Variants in ZNF705G observed in about 807,000 individuals in gnomAD.
ZNF705G encodes zinc finger protein 705G, also known as putative zinc finger protein 705G.
Under a neutral mutation model 19.6 loss-of-function variants are expected in ZNF705G, and 23 were observed. The observed-to-expected ratio is 1.17, with a 90% confidence interval of 0.84 to 1.66. The LOEUF (loss-of-function observed/expected upper bound fraction) is 1.66. Ranked by LOEUF, ZNF705G falls within the 40% of genes most tolerant of loss-of-function variation. The pLI, the probability that ZNF705G is intolerant of heterozygous loss-of-function variation, is 0.00. For synonymous variants in ZNF705G, 146 were observed against 117.7 expected (o/e 1.24, Z -1.56); for missense variants, 457 against 354.4 (o/e 1.29, Z -2.32).
chr8:7,369,644 A>G (rs1359961970), intron 2 of ZNF705G, among the ~76,000 whole-genome samples: 2 of 149,784 alleles, frequency 1.3e-5, no homozygotes, highest in African/African-American at 5.1e-5. Context: ...CATGGAATCA[A>G]CCTAGATGCC....
At chr8:7,362,218 C>G (rs1563291590) in intron 3 of ZNF705G, among the ~76,000 whole-genome samples, 1 of 149,508 alleles carries the variant, frequency 6.7e-6, no homozygotes, top group Non-Finnish European at 1.5e-5. Context: ...GAGTGTGCAA[C>G]CATAATTAAA....
chr8:7,367,278 T>A (rs1806899818), intron 2 of ZNF705G, among the ~76,000 whole-genome samples: 1 of 149,264 alleles, frequency 6.7e-6, no homozygotes. Flanking sequence ...AAATGTCAGG[T>A]GATGGCCTGT....
At chr8:7,369,161 T>G (rs1806987472) in intron 2 of ZNF705G, among the ~76,000 whole-genome samples, 1 of 149,356 alleles carries the variant, frequency 6.7e-6, no homozygotes, top group African/African-American at 2.6e-5. Flanking sequence ...CCCCCATGAT[T>G]CAGTTATCGC....
chr8:7,363,257 G>A (rs374452414), intron 2 of ZNF705G, among the ~76,000 whole-genome samples: 5 of 148,136 alleles, frequency 3.4e-5, no homozygotes, highest in African/African-American at 1.3e-4. Context: ...TCAAAAGCAC[G>A]GAGTTTTGTA....
rs757337265 is a variant in ZNF705G, at chr8:7,361,111, G to A, written c.138C>T (p.Leu46=). The change falls in exon 4 of 7, where the codon CTC becomes CTT. Residue 46 remains leucine (L), a splice_region_variant and synonymous_variant. Transcript: ENST00000400156. ...MLENISHLVS[L]GYQISKSYII... is the part of the protein sequence containing the mutation. ...GTACATGAATGTTCAGGGACTCACC[G>A]AGGGACACCAGGTGACTGATATTTT... The A allele has an allele frequency of 5.3e-5, 84 of 1,592,518 alleles. 1 individual carries two copies. Among genetic ancestry groups the A allele is most frequent in the Non-Finnish European group, 6.3e-5 (74 of 1,179,396 alleles).
rs1484681035 is a variant in ZNF705G at position 7,375,112 on chromosome 8, G to T, written c.-72+6340C>A. Reference sequence around the variant, plus strand: ...GGTATATTGTGTGATATTGAGGTTTGGGGTATGAATAACTCTGTCACGCAG... The same window carrying T: ...GGTATATTGTGTGATATTGAGGTTTTGGGTATGAATAACTCTGTCACGCAG... On this transcript the variant is annotated intron_variant, in intron 2 of 6. Transcript: ENST00000400156. 7.4e-5 allele frequency among the ~76,000 whole-genome samples: 7 copies of T among 94,156 alleles called. 3 individuals carry two copies. Among genetic ancestry groups the T allele is most frequent in the Non-Finnish European group, 1.5e-4 (7 of 48,068 alleles). The allele number at this position is 94,156 out of a possible 152,430, so 61.8% of individuals were successfully genotyped here.
chr8:7,380,076 C>T (rs1378418069), intron 2 of ZNF705G, among the ~76,000 whole-genome samples: 3 of 143,690 alleles, frequency 2.1e-5, no homozygotes, highest in Non-Finnish European at 4.4e-5. Context: ...CTGGCAGTGC[C>T]ATTCACTAGG....
At chr8:7,362,535 T>C in intron 3 of ZNF705G, among the ~76,000 whole-genome samples, 1 of 149,582 alleles carries the variant, frequency 6.7e-6, no homozygotes. Context: ...TAAGTCTATT[T>C]CAGGCAACAG....
chr8:7,366,564 G>C (rs1357377548), intron 2 of ZNF705G, among the ~76,000 whole-genome samples: 2 of 149,608 alleles, frequency 1.3e-5, no homozygotes, highest in Non-Finnish European at 2.9e-5. Flanking sequence ...AATTTTTAAA[G>C]TACATGATGA....
intron 2 of ZNF705G, among the ~76,000 whole-genome samples, chr8:7,378,510 A>C (rs1397232862): frequency 2.1e-5 from 2 of 96,370 alleles, no homozygotes; most frequent in Non-Finnish European, 3.7e-5. Flanking sequence ...TTAAAGCAAC[A>C]CAAATGCATT....
At chr8:7,379,749 G>A (rs570010071) in intron 2 of ZNF705G, among the ~76,000 whole-genome samples, 1 of 147,332 alleles carries the variant, frequency 6.8e-6, no homozygotes, top group South Asian at 2.1e-4. Flanking sequence ...GCCCTCGCAG[G>A]CCCTGAGACT....
intron 6 of ZNF705G, among the ~76,000 whole-genome samples, chr8:7,359,177 C>A (rs1260189370): frequency 6.7e-6 from 1 of 149,530 alleles, no homozygotes. Flanking sequence ...CCTTCAAAAT[C>A]ATCTTTGGAG....
rs916145582 is a variant in ZNF705G at position 7,368,580 on chromosome 8, C to G, written c.-71-5563G>C. ...GTACTTGTAAGACCACTGGTATTGT[C>G]TGAAATTCAAGCAGGCTGCAGAAAT... On this transcript the variant is annotated intron_variant, in intron 2 of 6. Transcript: ENST00000400156. Among the ~76,000 whole-genome samples the G allele has an allele frequency of 2.0e-4, 30 of 149,888 alleles. 2 individuals carry two copies. The highest frequency in any genetic ancestry group is 7.1e-4 in the African/African-American group (28 of 39,254).
At chr8:7,367,465 G>A (rs1387992969) in intron 2 of ZNF705G, among the ~76,000 whole-genome samples, 2 of 149,358 alleles carry the variant, frequency 1.3e-5, no homozygotes, top group Non-Finnish European at 2.9e-5. Flanking sequence ...ATCTTCCGGG[G>A]GCACGCTCCA....
chr8:7,358,088 G>A lies in ZNF705G; in HGVS notation c.791C>T (p.Ala264Val), dbSNP rs777965468. The A allele has an allele frequency of 1.5e-5, 24 of 1,607,892 alleles. 4 individuals are homozygous for A. The African/African-American group carries it at 3.1e-4, about 21-fold the overall frequency. The change falls in exon 7 of 7, where the codon GCC (alanine) becomes GTC (valine). Residue 264 changes from alanine to valine, a missense_variant. By Grantham distance (64) the Ala-to-Val change is moderately conservative (BLOSUM62 0). Transcript: ENST00000400156. ...KCYECDKSGKAFSQSSGFRGN... is the reference protein window; with the variant it reads ...KCYECDKSGKVFSQSSGFRGN... ...TCTAAAGCCAGAGCTTTGACTAAAG[G>A]CTTTCCCACTTTTATCACATTCATA...
At chr8:7,375,713 A>C (rs1172763769) in intron 2 of ZNF705G, among the ~76,000 whole-genome samples, 2 of 92,924 alleles carry the variant, frequency 2.2e-5, no homozygotes, top group Non-Finnish European at 4.2e-5. Context: ...AAGTTAGAAA[A>C]TAGCTGTATT....
rs1389172327 is a variant in ZNF705G at position 7,360,220 on chromosome 8, A to T, written c.235+17T>A. 1 of 1,591,492 alleles carries T rather than the reference A, an allele frequency of 6.3e-7. No individual in the cohort carries two copies. The highest frequency in any genetic ancestry group is 8.5e-7 in the Non-Finnish European group (1 of 1,178,684). ...AAAGCACCTCCTCCTATTAGAGCAC[A>T]GGACCCTGTTGCTTACTTGGATTCT... On this transcript the variant is annotated intron_variant, in intron 5 of 6. Transcript: ENST00000400156.
chr8:7,363,347 G>A lies in ZNF705G; in HGVS notation c.-71-330C>T, dbSNP rs1283760231. ...GGATCCCTGACTCCATCCACATGTGGAATATGATTTCCACCTATAGATAAA... is the reference window on the plus strand; with the variant it reads ...GGATCCCTGACTCCATCCACATGTGAAATATGATTTCCACCTATAGATAAA... On this transcript the variant is annotated intron_variant, in intron 2 of 6. Transcript: ENST00000400156. Among the ~76,000 whole-genome samples, 14 of 148,108 alleles carry A rather than the reference G, an allele frequency of 9.5e-5. 1 individual carries two copies. Among genetic ancestry groups the A allele is most frequent in the Non-Finnish European group, 1.6e-4 (11 of 67,958 alleles).
At chr8:7,370,494 G>C (rs1208888167) in intron 2 of ZNF705G, among the ~76,000 whole-genome samples, 1 of 149,220 alleles carries the variant, frequency 6.7e-6, no homozygotes. Context: ...TACTTGTGGT[G>C]GAAATACAAA....
Sources: allele counts gnomAD v4.1 joint callset (sites outside exome capture counted in the v4.1 genomes callset), GRCh38; gene constraint gnomAD v4.1.1; transcripts MANE v1.5; gene names NCBI Gene and HGNC (gene_info 2026-07-23, HGNC 2026-07-21).